GCLC: variants seen among roughly 807,000 people sequenced by gnomAD.
GCLC encodes the protein glutamate--cysteine ligase catalytic subunit.
In GCLC, 30 loss-of-function variants were observed where a neutral mutation model predicts 81.5. That is an observed-to-expected ratio of 0.37 (90% CI 0.28 to 0.50). The LOEUF is 0.50. Ranked by LOEUF, GCLC falls within the 20% of genes least tolerant of loss-of-function variation. GCLC has a pLI of 0.96. For synonymous variants in GCLC, 262 were observed against 273.3 expected (o/e 0.96, Z 0.41); for missense variants, 556 against 777.4 (o/e 0.72, Z 3.39).
intron 3 of GCLC, among the ~76,000 whole-genome samples, chr6:53,519,970 T>C (rs1447318142): frequency 6.6e-6 from 1 of 152,132 alleles, no homozygotes; most frequent in Non-Finnish European, 1.5e-5. Flanking sequence ...GGTATAAAAA[T>C]AGTTCAAAGT....
Position 53,509,164 on chromosome 6 carries a change from A to G in GCLC, c.828+12T>C, listed in dbSNP as rs780667577. 12 of 1,466,356 alleles carry G rather than the reference A, an allele frequency of 8.2e-6. No individual in the cohort carries two copies. In the South Asian group the frequency reaches 1.0e-4, roughly 12 times the overall value. The allele number at this position is 1,466,356 out of a possible 1,614,324, so 90.8% of individuals were successfully genotyped here. A position where few individuals can be genotyped will look rare whatever the true frequency, so the allele number is the denominator to read the frequency against. ...GAAGTAGTATTTAAAATAAGAGGTA[A>G]TTTCTACTTACAACAATTGGACAGA... On this transcript the variant is annotated intron_variant, in intron 7 of 15. Coordinates refer to ENST00000650454, the MANE Select transcript of GCLC (RefSeq NM_001498.4).
At chr6:53,541,212 G>A (rs1182850817) in intron 1 of GCLC, among the ~76,000 whole-genome samples, 3 of 151,580 alleles carry the variant, frequency 2.0e-5, no homozygotes, top group Admixed American at 6.6e-5. Context: ...GCGAGACTCC[G>A]TCTCAAAAAA....
chr6:53,518,696 T>C (rs1762931866), intron 3 of GCLC, among the ~76,000 whole-genome samples: 1 of 152,220 alleles, frequency 6.6e-6, no homozygotes, highest in South Asian at 2.1e-4. Context: ...AGCTTTAATA[T>C]ATAAAACAGT....
chr6:53,500,569 G>A, intron 12 of GCLC, 56 bp from the exon 13 acceptor site: 1 of 1,227,720 alleles, frequency 8.1e-7, no homozygotes, highest in Non-Finnish European at 1.2e-6. Context: ...AGACATACAA[G>A]TTGCAGCACC....
At chr6:53,511,264 G>A (rs868073207) in intron 6 of GCLC, among the ~76,000 whole-genome samples, 10 of 151,510 alleles carry the variant, frequency 6.6e-5, no homozygotes, top group East Asian at 1.9e-4. Flanking sequence ...CTGAAAGACC[G>A]GGACCCCAAA....
At chr6:53,514,610 T>C in intron 4 of GCLC, 113 bp from the exon 5 acceptor site, 1 of 800,694 alleles carries the variant, frequency 1.2e-6, no homozygotes, top group Non-Finnish European at 2.2e-6. Context: ...ATTAGTTATC[T>C]AAGACAACTC....
chr6:53,501,890 A>G (rs1218827491), intron 12 of GCLC, among the ~76,000 whole-genome samples: 1 of 152,150 alleles, frequency 6.6e-6, no homozygotes, highest in Non-Finnish European at 1.5e-5. Context: ...TTAGATACTC[A>G]ATGACTTAGA....
intron 11 of GCLC, 80 bp from the exon 12 acceptor site, chr6:53,505,576 C>T: frequency 1.2e-6 from 1 of 821,686 alleles, no homozygotes; most frequent in Non-Finnish European, 2.1e-6. Context: ...TTCCTCAGAT[C>T]ATGTCATTCC....
chr6:53,508,397 CG>C (rs1472695967), intron 8 of GCLC, among the ~76,000 whole-genome samples, 197 bp downstream of exon 8: 1 of 152,074 alleles, frequency 6.6e-6, no homozygotes, highest in African/African-American at 2.4e-5. Flanking sequence ...ATAGAAAAAT[CG>C]GACTACTAAT....
At chr6:53,516,724 G>A (rs995228696) in intron 3 of GCLC, among the ~76,000 whole-genome samples, 3 of 152,076 alleles carry the variant, frequency 2.0e-5, no homozygotes, top group Admixed American at 6.5e-5. Context: ...GCCTCTATAG[G>A]TCACCTCATG....
intron 6 of GCLC, among the ~76,000 whole-genome samples, chr6:53,510,970 G>A (rs1342381411): frequency 6.6e-6 from 1 of 152,092 alleles, no homozygotes; most frequent in African/African-American, 2.4e-5. Flanking sequence ...CCAAACCAAG[G>A]GCAGTTTCTG....
intron 1 of GCLC, among the ~76,000 whole-genome samples, chr6:53,534,614 G>A (rs1363282483): frequency 2.6e-5 from 4 of 151,434 alleles, no homozygotes; most frequent in Non-Finnish European, 5.9e-5. Context: ...CCCACTTACT[G>A]CCTGGGGAGA....
intron 12 of GCLC, among the ~76,000 whole-genome samples, chr6:53,502,858 ATGTAT>A (rs1764539037): frequency 6.6e-6 from 1 of 152,150 alleles, no homozygotes; most frequent in Admixed American, 6.5e-5. Context: ...TGGCACTGAA[ATGTAT>A]TTGTGGTTCA....
intron 1 of GCLC, among the ~76,000 whole-genome samples, chr6:53,542,516 A>G (rs1763375208): frequency 2.0e-5 from 3 of 150,798 alleles, no homozygotes; most frequent in East Asian, 2.0e-4. Flanking sequence ...AAAGGGTAAG[A>G]TTAAGGATTC....
intron 1 of GCLC, among the ~76,000 whole-genome samples, chr6:53,535,977 A>C (rs1043773409): frequency 2.0e-5 from 3 of 152,354 alleles, no homozygotes; most frequent in South Asian, 2.1e-4. Flanking sequence ...TAGTCCATAC[A>C]TACAAACTTG....
intron 4 of GCLC, 136 bp from the exon 5 acceptor site, chr6:53,514,633 A>G (rs899872305): frequency 1.3e-6 from 1 of 752,320 alleles, no homozygotes. Context: ...CAGAAAATGT[A>G]TCTGTGGTGT....
chr6:53,532,336 C>G (rs1581746969), intron 1 of GCLC, among the ~76,000 whole-genome samples: 1 of 152,232 alleles, frequency 6.6e-6, no homozygotes, highest in African/African-American at 2.4e-5. Flanking sequence ...ACATCCTGAG[C>G]TGAGATACTA....
intron 1 of GCLC, among the ~76,000 whole-genome samples, chr6:53,534,893 T>G (rs934554602): frequency 7.9e-5 from 12 of 152,124 alleles, no homozygotes; most frequent in Non-Finnish European, 1.5e-4. Flanking sequence ...CCCAAACTGA[T>G]CTACAGATTC....
At chr6:53,531,312 G>A (rs1034196720) in intron 1 of GCLC, among the ~76,000 whole-genome samples, 1 of 152,132 alleles carries the variant, frequency 6.6e-6, no homozygotes, top group Non-Finnish European at 1.5e-5. Flanking sequence ...ATCAGAATAT[G>A]TCACTCATGG....
Sources: gnomAD v4.1 joint callset for allele counts (sites outside exome capture counted in the v4.1 genomes callset) on GRCh38, gnomAD v4.1.1 for gene constraint, MANE v1.5 for transcripts, NCBI Gene and HGNC (gene_info 2026-07-23, HGNC 2026-07-21) for gene names.